Variants in MDGA2 observed in about 807,000 individuals in gnomAD.
The protein encoded by MDGA2 is MAM domain containing glycosylphosphatidylinositol anchor 2, also known as MAM domain-containing glycosylphosphatidylinositol anchor protein 2.
A neutral mutation model predicts 117.8 loss-of-function variants in MDGA2; 40 were observed. The ratio of observed to expected loss-of-function variants is 0.34; its 90% CI spans 0.26 to 0.44. The LOEUF is 0.44. Among genes scored for constraint, MDGA2 ranks in the 20% least tolerant of loss-of-function variants. MDGA2 has a pLI of 1.00. For missense variants in MDGA2, 1,123 were observed against 1,250.6 expected, an observed-to-expected ratio of 0.90 and a Z score of 1.54; for synonymous variants, 452 against 439.0, an observed-to-expected ratio of 1.03 and a Z score of -0.37.
intron 1 of MDGA2, among the ~76,000 whole-genome samples, chr14:47,485,224 T>C (rs1894035316): frequency 6.6e-6 from 1 of 152,098 alleles, no homozygotes; most frequent in African/African-American, 2.4e-5. Context: ...CAGATGGAGA[T>C]GAGAAACTTG....
At chr14:47,028,183 T>C (rs1321606367) in intron 8 of MDGA2, among the ~76,000 whole-genome samples, 1 of 152,122 alleles carries the variant, frequency 6.6e-6, no homozygotes, top group African/African-American at 2.4e-5. Flanking sequence ...AATGGATATA[T>C]AGTCTTAATG....
chr14:47,224,564 G>T (rs901243859), intron 2 of MDGA2, among the ~76,000 whole-genome samples: 1 of 152,108 alleles, frequency 6.6e-6, no homozygotes, highest in Admixed American at 6.6e-5. Context: ...TCTATTGTTT[G>T]CCAAGGAGTT....
At chr14:47,633,150 C>T (rs1338282891) in intron 1 of MDGA2, among the ~76,000 whole-genome samples, 1 of 152,270 alleles carries the variant, frequency 6.6e-6, no homozygotes, top group Admixed American at 6.5e-5. Flanking sequence ...TCATCATGCC[C>T]CCTACTGCTC....
intron 1 of MDGA2, among the ~76,000 whole-genome samples, chr14:47,513,531 A>AT (rs947323953): frequency 7.2e-5 from 11 of 151,912 alleles, no homozygotes; most frequent in Non-Finnish European, 1.5e-4. Flanking sequence ...ATTTTTAGTG[A>AT]TTTTTTTCTA....
rs573608302 is a variant in MDGA2, at chr14:47,398,984, T to G, written c.281-97434A>C. ...GTACTCAATAAGTAACTTTACTTGA[T>G]TTCATTATAGAACAAATCTTACTCT... On this transcript the variant is annotated intron_variant, in intron 1 of 16. Coordinates refer to ENST00000399232, the MANE Select transcript of MDGA2 (RefSeq NM_001113498.3). Among the ~76,000 whole-genome samples the G allele has an allele frequency of 7.9e-5, 12 of 152,312 alleles. No homozygotes were observed. The South Asian group carries it at 2.5e-3, about 32-fold the overall frequency.
intron 1 of MDGA2, among the ~76,000 whole-genome samples, chr14:47,547,247 C>G (rs570798520): frequency 6.6e-6 from 1 of 152,234 alleles, no homozygotes; most frequent in East Asian, 1.9e-4. Flanking sequence ...CAGAAGAGGG[C>G]CAGGGCAACA....
chr14:46,965,701 T>C (rs983938343), intron 8 of MDGA2, among the ~76,000 whole-genome samples: 2 of 152,176 alleles, frequency 1.3e-5, no homozygotes, highest in East Asian at 1.9e-4. Context: ...GTGAGAAGGA[T>C]AGGCCTTTGC....
At chr14:47,047,667 T>C (rs2138707796) in intron 7 of MDGA2, among the ~76,000 whole-genome samples, 1 of 152,236 alleles carries the variant, frequency 6.6e-6, no homozygotes, top group Non-Finnish European at 1.5e-5. Flanking sequence ...TACTATGTTT[T>C]CTTATCACTG....
chr14:47,654,389 G>T (rs111934317), intron 1 of MDGA2, among the ~76,000 whole-genome samples: 3,924 of 152,106 alleles, frequency 0.026, 71 homozygotes, highest in Non-Finnish European at 0.041. Flanking sequence ...ACTCTTCCCT[G>T]AAAAAGAATG....
At chr14:47,364,788 G>A (rs928878013) in intron 1 of MDGA2, among the ~76,000 whole-genome samples, 3 of 152,214 alleles carry the variant, frequency 2.0e-5, no homozygotes, top group African/African-American at 7.2e-5. Context: ...GATTTCCACT[G>A]AGGGAATTTG....
intron 10 of MDGA2, among the ~76,000 whole-genome samples, chr14:46,900,778 AG>A (rs1194990962): frequency 6.6e-6 from 1 of 152,142 alleles, no homozygotes; most frequent in Non-Finnish European, 1.5e-5. Flanking sequence ...GGTTACACAA[AG>A]CTACGCACAT....
intron 10 of MDGA2, among the ~76,000 whole-genome samples, chr14:46,887,336 A>T (rs909319737): frequency 1.3e-5 from 2 of 151,962 alleles, no homozygotes; most frequent in Non-Finnish European, 2.9e-5. Context: ...AACTCTTTTA[A>T]GTGGCAGCTT....
intron 3 of MDGA2, among the ~76,000 whole-genome samples, chr14:47,175,350 A>G (rs1884389969): frequency 6.6e-6 from 1 of 151,800 alleles, no homozygotes; most frequent in Admixed American, 6.6e-5. Context: ...CAACCAAAAA[A>G]GAGAATTTTA....
At chr14:47,315,340 G>T (rs1400985544) in intron 1 of MDGA2, among the ~76,000 whole-genome samples, 3 of 152,046 alleles carry the variant, frequency 2.0e-5, no homozygotes, top group Non-Finnish European at 4.4e-5. Context: ...CCTTCAGAAA[G>T]CTCACCCTCT....
At chr14:47,239,635 C>G (rs1015608259) in intron 2 of MDGA2, among the ~76,000 whole-genome samples, 5 of 151,670 alleles carry the variant, frequency 3.3e-5, no homozygotes, top group Non-Finnish European at 7.4e-5. Context: ...TTTATTATTA[C>G]CTTTGGCTAT....
Position 47,305,921 on chromosome 14 carries a change from C to T in MDGA2, c.281-4371G>A, listed in dbSNP as rs376093321. On this transcript the variant is annotated intron_variant, in intron 1 of 16. Coordinates refer to ENST00000399232, the MANE Select transcript of MDGA2 (RefSeq NM_001113498.3). ...CATTTAACCTAAGTTTGGAGAGATG[C>T]TCTTGGGAGCAAAAGAGGAAGGAGA... is the stretch of plus-strand genomic sequence containing the variant. Among the ~76,000 whole-genome samples the T allele has an allele frequency of 5.7e-4, 87 of 152,222 alleles. 1 individual carries two copies. The highest frequency in any genetic ancestry group is 2.0e-3 in the African/African-American group (85 of 41,538).
chr14:47,637,604 C>A (rs1897347225), intron 1 of MDGA2, among the ~76,000 whole-genome samples: 1 of 152,154 alleles, frequency 6.6e-6, no homozygotes, highest in Non-Finnish European at 1.5e-5. Context: ...ACTCCTACCT[C>A]TTAAAAATCT....
chr14:47,253,446 A>G (rs546297791), intron 2 of MDGA2, among the ~76,000 whole-genome samples: 1 of 152,344 alleles, frequency 6.6e-6, no homozygotes, highest in South Asian at 2.1e-4. Context: ...GGCTACACAC[A>G]CCATGCAAGT....
At chr14:47,466,979 A>T (rs1222935048) in intron 1 of MDGA2, among the ~76,000 whole-genome samples, 1 of 152,102 alleles carries the variant, frequency 6.6e-6, no homozygotes, top group African/African-American at 2.4e-5. Context: ...AGAAAAAACA[A>T]GGCCAAGTGT....
Sources: allele counts gnomAD v4.1 joint callset (sites outside exome capture counted in the v4.1 genomes callset), GRCh38; gene constraint gnomAD v4.1.1; transcripts MANE v1.5; gene names NCBI Gene and HGNC (gene_info 2026-07-23, HGNC 2026-07-21).